Variants in MEF2A observed in about 807,000 individuals in gnomAD.
MEF2A encodes the protein myocyte-specific enhancer factor 2A.
MEF2A carries 28 observed loss-of-function variants against 55.8 expected under a neutral mutation model. The ratio of observed to expected loss-of-function variants is 0.50; its 90% CI spans 0.37 to 0.69. The LOEUF is 0.69. Among genes scored for constraint, MEF2A ranks in the 30% least tolerant of loss-of-function variants. The pLI is 0.00. For synonymous variants in MEF2A, 239 were observed against 227.1 expected, an observed-to-expected ratio of 1.05 and a Z score of -0.47; for missense variants, 528 against 626.2, an observed-to-expected ratio of 0.84 and a Z score of 1.67.
chr15:99,698,972 T>G (rs1015537665), intron 8 of MEF2A, among the ~76,000 whole-genome samples: 11 of 151,684 alleles, frequency 7.3e-5, no homozygotes, highest in Admixed American at 5.9e-4. Context: ...ATCCCTGCAC[T>G]TTGGGAGGCC....
At chr15:99,641,973 T>C (rs991969691) in intron 3 of MEF2A, among the ~76,000 whole-genome samples, 6 of 152,380 alleles carry the variant, frequency 3.9e-5, no homozygotes, top group Non-Finnish European at 7.3e-5. Context: ...TGACTGGTTT[T>C]TTTTGTTTGT....
intron 10 of MEF2A, among the ~76,000 whole-genome samples, chr15:99,710,269 A>C (rs939640045): frequency 1.3e-4 from 19 of 151,472 alleles, no homozygotes; most frequent in African/African-American, 4.4e-4. Flanking sequence ...TTTTGAGAGG[A>C]AGTCTGTTGC....
At chr15:99,616,999 G>C (rs1596499650) in intron 2 of MEF2A, among the ~76,000 whole-genome samples, 1 of 152,126 alleles carries the variant, frequency 6.6e-6, no homozygotes, top group Admixed American at 6.5e-5. Context: ...CTCTTCCACT[G>C]TCTCCTGCCT....
chr15:99,666,459 G>A (rs973003169), intron 4 of MEF2A, among the ~76,000 whole-genome samples: 1 of 151,966 alleles, frequency 6.6e-6, no homozygotes, highest in Non-Finnish European at 1.5e-5. Context: ...CTAGTCTAGG[G>A]ATAGTGGTAG....
intron 7 of MEF2A, among the ~76,000 whole-genome samples, chr15:99,680,472 A>T (rs1208876805): frequency 6.6e-6 from 1 of 152,228 alleles, no homozygotes; most frequent in African/African-American, 2.4e-5. Context: ...ATTGTAAATT[A>T]GTAACAATCT....
chr15:99,654,064 A>G (rs12902163), intron 4 of MEF2A, among the ~76,000 whole-genome samples: 23 of 152,206 alleles, frequency 1.5e-4, no homozygotes, highest in African/African-American at 5.5e-4. Context: ...TTATATAATT[A>G]AAATATTTTT....
chr15:99,576,837 CG>C (rs761458238), intron 1 of MEF2A, among the ~76,000 whole-genome samples: 77 of 152,036 alleles, frequency 5.1e-4, no homozygotes, highest in Non-Finnish European at 1.0e-3. Context: ...TTAGTAGAGA[CG>C]GGGTTTCACC....
At chr15:99,677,635 T>C (rs2052393914) in intron 7 of MEF2A, among the ~76,000 whole-genome samples, 1 of 151,976 alleles carries the variant, frequency 6.6e-6, no homozygotes, top group African/African-American at 2.4e-5. Context: ...TCAGAGAAAA[T>C]TGGGCAGAAG....
intron 1 of MEF2A, among the ~76,000 whole-genome samples, chr15:99,576,768 G>A (rs1964419125): frequency 6.6e-6 from 1 of 151,860 alleles, no homozygotes; most frequent in Non-Finnish European, 1.5e-5. Context: ...AGCCTCCTGA[G>A]TAGCTGGGAC....
intron 4 of MEF2A, among the ~76,000 whole-genome samples, chr15:99,668,708 G>A (rs2050272292): frequency 6.6e-6 from 1 of 152,216 alleles, no homozygotes; most frequent in African/African-American, 2.4e-5. Context: ...TAACTTGTGT[G>A]TGAGAAAACT....
chr15:99,589,782 G>A (rs544429796), intron 1 of MEF2A, among the ~76,000 whole-genome samples: 1 of 152,080 alleles, frequency 6.6e-6, no homozygotes, highest in Non-Finnish European at 1.5e-5. Context: ...TTTGGAAAAT[G>A]TCCCAAAATA....
intron 2 of MEF2A, among the ~76,000 whole-genome samples, chr15:99,621,753 T>C (rs966111907): frequency 2.6e-5 from 4 of 152,156 alleles, no homozygotes; most frequent in Non-Finnish European, 4.4e-5. Flanking sequence ...AAAAAAGTAA[T>C]AGATCCTTAA....
chr15:99,568,837 G>T (rs1960859255), intron 1 of MEF2A, among the ~76,000 whole-genome samples: 1 of 152,092 alleles, frequency 6.6e-6, no homozygotes, highest in South Asian at 2.1e-4. Flanking sequence ...GTTACTCATG[G>T]TACATATGAA....
intron 4 of MEF2A, among the ~76,000 whole-genome samples, chr15:99,668,501 A>T (rs1406868828): frequency 6.6e-6 from 1 of 152,250 alleles, no homozygotes; most frequent in African/African-American, 2.4e-5. Context: ...CACGTTATTT[A>T]CAAGGAGTAA....
At chr15:99,654,382 A>C (rs1306595396) in intron 4 of MEF2A, among the ~76,000 whole-genome samples, 1 of 152,016 alleles carries the variant, frequency 6.6e-6, no homozygotes, top group Non-Finnish European at 1.5e-5. Context: ...ACAGTATTAA[A>C]ATTTTAAATC....
intron 2 of MEF2A, among the ~76,000 whole-genome samples, chr15:99,623,875 A>G (rs1183394781): frequency 2.4e-4 from 36 of 150,440 alleles, no homozygotes; most frequent in Admixed American, 2.3e-3. Flanking sequence ...TGGTGCGATC[A>G]TGGCTCACTG....
At chr15:99,580,526 G>C (rs1297996062) in intron 1 of MEF2A, among the ~76,000 whole-genome samples, 7 of 152,162 alleles carry the variant, frequency 4.6e-5, no homozygotes. Flanking sequence ...GTATTGTGGA[G>C]GAGGAGAAAT....
At position 99,675,438 on chromosome 15, in the gene MEF2A, G is replaced by T. The variant is rs754420352; in HGVS notation, c.650G>T (p.Gly217Val). The change falls in exon 7 of 12, where the codon GGA becomes GTA. Residue 217 changes from glycine to valine, a missense_variant. This residue lies in a region of MEF2A where 450 missense variants were observed against 475.3 expected (regional missense o/e 0.95). Coordinates refer to ENST00000557942, the MANE Select transcript of MEF2A (RefSeq NM_001319206.4). ...ACTACAGACCTCACAGTGCCAAATG[G>T]AGCTGGAAGCAGTCCAGTGGGTGAG... ...LSTTDLTVPNGAGSSPVGNGF... is the reference protein window; with the variant it reads ...LSTTDLTVPNVAGSSPVGNGF... 6.2e-7 allele frequency: 1 copy of T among 1,613,826 alleles called. No individual in the cohort carries two copies. The highest frequency in any genetic ancestry group is 1.3e-5 in the African/African-American group (1 of 74,930).
In MEF2A at chr15:99,706,798, C is replaced by T; in HGVS notation, c.952C>T (p.Pro318Ser). The change falls in exon 10 of 12, where the codon CCA becomes TCA. Residue 318 changes from proline to serine, a missense_variant. Around this residue, in one of 2 missense-constraint regions of MEF2A, gnomAD observed 450 missense variants for 475.3 expected, o/e 0.95. Coordinates refer to ENST00000557942, the MANE Select transcript of MEF2A (RefSeq NM_001319206.4). ...LATPVVSVTT[P>S]SLPPQGLVYS... ...TACCCCAGTCGTGTCTGTGACAACC[C>T]CAAGCTTGCCTCCGCAAGGACTTGT... The T allele has an allele frequency of 6.2e-7, 1 of 1,613,994 alleles. No homozygotes were observed. Among genetic ancestry groups the T allele is most frequent in the South Asian group, 1.1e-5 (1 of 91,084 alleles).
Sources: gnomAD v4.1 joint callset for allele counts (sites outside exome capture counted in the v4.1 genomes callset) on GRCh38, gnomAD v4.1.1 for gene constraint, gnomAD v4.1.1 regional missense constraint, MANE v1.5 for transcripts, NCBI Gene and HGNC (gene_info 2026-07-23, HGNC 2026-07-21) for gene names.